The following TASP1 variants were observed in gnomAD, a reference collection of about 807,000 sequenced individuals.
TASP1 encodes the protein taspase 1, also known as threonine aspartase 1.
A neutral mutation model predicts 56.6 loss-of-function variants in TASP1; 16 were observed. That is an observed-to-expected ratio of 0.28 (90% CI 0.19 to 0.43). The LOEUF (loss-of-function observed/expected upper bound fraction) is 0.43. Ranked by LOEUF, TASP1 falls within the 20% of genes least tolerant of loss-of-function variation. TASP1 has a pLI of 1.00. For missense variants in TASP1, 393 were observed against 511.6 expected, an observed-to-expected ratio of 0.77 and a Z score of 2.24; for synonymous variants, 179 against 184.2, an observed-to-expected ratio of 0.97 and a Z score of 0.23.
intron 8 of TASP1, among the ~76,000 whole-genome samples, chr20:13,541,028 GAAA>G (rs2045601579): frequency 6.6e-6 from 1 of 152,096 alleles, no homozygotes; most frequent in Non-Finnish European, 1.5e-5. Context: ...AGAAAAAAGG[GAAA>G]ACCTGAAAAA....
chr20:13,150,270 A>G, the TASP1 span, among the ~76,000 whole-genome samples: 3 of 152,162 alleles, frequency 2.0e-5, no homozygotes, highest in Non-Finnish European at 4.4e-5. Context: ...TGCACTTCCA[A>G]TAGGCTCTGT....
chr20:13,589,098 C>T (rs1345132246), intron 4 of TASP1, among the ~76,000 whole-genome samples: 5 of 137,934 alleles, frequency 3.6e-5, no homozygotes, highest in African/African-American at 1.1e-4. Flanking sequence ...TGCTCTGTTG[C>T]GCAGGCTGGA....
intron 4 of TASP1, among the ~76,000 whole-genome samples, chr20:13,591,169 A>C (rs755539080): frequency 1.3e-5 from 2 of 152,110 alleles, no homozygotes; most frequent in Non-Finnish European, 2.9e-5. Context: ...AAAAGTAGAC[A>C]AATGGATGAA....
chr20:13,193,324 G>GA, the TASP1 span, among the ~76,000 whole-genome samples: 1 of 151,642 alleles, frequency 6.6e-6, no homozygotes, highest in African/African-American at 2.4e-5. Context: ...CAGTGTGGGT[G>GA]AAAAAAAATC....
the TASP1 span, among the ~76,000 whole-genome samples, chr20:13,210,343 CTCATT>C: frequency 6.6e-6 from 1 of 152,074 alleles, no homozygotes; most frequent in East Asian, 1.9e-4. Flanking sequence ...GATATAAGCA[CTCATT>C]TGGCTGTCTG....
At chr20:13,624,108 G>C (rs1310326046) in intron 3 of TASP1, among the ~76,000 whole-genome samples, 1 of 151,970 alleles carries the variant, frequency 6.6e-6, no homozygotes, top group African/African-American at 2.4e-5. Context: ...AATTAGGAGA[G>C]GAAAAGAGAG....
At chr20:13,531,486 CTTTTTTT>C (rs148240627) in intron 9 of TASP1, among the ~76,000 whole-genome samples, 2 of 142,246 alleles carry the variant, frequency 1.4e-5, no homozygotes, top group African/African-American at 5.2e-5. Flanking sequence ...ATTTCTTATC[CTTTTTTT>C]TTTTTTTTCT....
At chr20:13,227,882 C>A in the TASP1 span, among the ~76,000 whole-genome samples, 1 of 151,718 alleles carries the variant, frequency 6.6e-6, no homozygotes, top group African/African-American at 2.4e-5. Context: ...TCAATTCTTA[C>A]CAGTTTTATT....
At chr20:13,221,212 CCCTCCTACT>C in the TASP1 span, among the ~76,000 whole-genome samples, 703 of 78,926 alleles carry the variant, frequency 8.9e-3, 49 homozygotes, top group African/African-American at 0.026. Flanking sequence ...GCAGCTGAAG[CCCTCCTACT>C]CCTCCTCCTC....
chr20:13,404,058 C>A (rs1037154659), intron 13 of TASP1, among the ~76,000 whole-genome samples: 7 of 152,160 alleles, frequency 4.6e-5, no homozygotes, highest in Admixed American at 3.3e-4. Flanking sequence ...ATTTTCCACA[C>A]AGGACATTTC....
chr20:13,552,831 G>C (rs947313153), intron 8 of TASP1, among the ~76,000 whole-genome samples: 1 of 152,158 alleles, frequency 6.6e-6, no homozygotes, highest in Non-Finnish European at 1.5e-5. Flanking sequence ...ATGCTTTAGT[G>C]TACTAAGTAA....
the TASP1 span, among the ~76,000 whole-genome samples, chr20:13,133,250 A>G: frequency 6.6e-6 from 1 of 152,118 alleles, no homozygotes; most frequent in African/African-American, 2.4e-5. Flanking sequence ...TTTCCAAAAC[A>G]GCTTGCGGAC....
chr20:13,622,965 A>G (rs1393085402), intron 4 of TASP1, among the ~76,000 whole-genome samples: 4 of 152,172 alleles, frequency 2.6e-5, no homozygotes, highest in African/African-American at 4.8e-5. Context: ...CGATGTCCAC[A>G]GTAAACTGGG....
chr20:13,476,631 C>T (rs1184296818), intron 11 of TASP1, among the ~76,000 whole-genome samples: 3 of 151,972 alleles, frequency 2.0e-5, no homozygotes, highest in African/African-American at 7.2e-5. Flanking sequence ...GTGAATCTCT[C>T]ATAGTAACCA....
At chr20:13,347,420 G>A in the TASP1 span, among the ~76,000 whole-genome samples, 5 of 152,214 alleles carry the variant, frequency 3.3e-5, no homozygotes, top group African/African-American at 1.2e-4. Context: ...ACTCCCTGAA[G>A]GCCATAGGTC....
chr20:13,355,928 G>C, the TASP1 span, among the ~76,000 whole-genome samples: 82 of 152,038 alleles, frequency 5.4e-4, 2 homozygotes, highest in Non-Finnish European at 1.5e-5. Flanking sequence ...CCTCATATTG[G>C]CCAAAAAATA....
intron 11 of TASP1, among the ~76,000 whole-genome samples, chr20:13,441,215 T>C (rs1472497870): frequency 6.6e-6 from 1 of 152,116 alleles, no homozygotes; most frequent in African/African-American, 2.4e-5. Flanking sequence ...CTAGCTCCAA[T>C]ATGGCCTCCT....
the TASP1 span, among the ~76,000 whole-genome samples, chr20:13,284,654 T>A: frequency 6.6e-6 from 1 of 152,020 alleles, no homozygotes; most frequent in African/African-American, 2.4e-5. Context: ...AAGAGGAGGG[T>A]CTTTGCCGGG....
At chr20:13,495,847 C>T (rs994659758) in intron 10 of TASP1, among the ~76,000 whole-genome samples, 5 of 152,174 alleles carry the variant, frequency 3.3e-5, no homozygotes, top group African/African-American at 1.2e-4. Flanking sequence ...TTCCCAATCT[C>T]TCTCAGGTCA....
Sources: allele counts gnomAD v4.1 joint callset (sites outside exome capture counted in the v4.1 genomes callset), GRCh38; gene constraint gnomAD v4.1.1; transcripts MANE v1.5; gene names NCBI Gene and HGNC (gene_info 2026-07-23, HGNC 2026-07-21).